PLEKHA5: variants seen among roughly 807,000 people sequenced by gnomAD.
PLEKHA5 encodes the protein pleckstrin homology domain-containing family A member 5.
PLEKHA5 carries 55 observed loss-of-function variants against 181.9 expected under a neutral mutation model. That is an observed-to-expected ratio of 0.30 (90% CI 0.24 to 0.38). The LOEUF (loss-of-function observed/expected upper bound fraction) is 0.38. PLEKHA5 is among the 10% of genes least tolerant of loss of function. The pLI is 1.00. For synonymous variants in PLEKHA5, 535 were observed against 529.4 expected (o/e 1.01, Z -0.15); for missense variants, 1,432 against 1,549.5 (o/e 0.92, Z 1.27).
intron 3 of PLEKHA5, among the ~76,000 whole-genome samples, chr12:19,230,596 C>T (rs896903066): frequency 6.6e-6 from 1 of 152,182 alleles, no homozygotes; most frequent in Non-Finnish European, 1.5e-5. Flanking sequence ...CAGCTGCTGG[C>T]CTGGGTGCTA....
At chr12:19,326,794 C>T (rs1471030624) in intron 20 of PLEKHA5, among the ~76,000 whole-genome samples, 1 of 152,160 alleles carries the variant, frequency 6.6e-6, no homozygotes, top group African/African-American at 2.4e-5. Context: ...GTTTAGCTTC[C>T]ACCTGTAAGT....
intron 26 of PLEKHA5, among the ~76,000 whole-genome samples, chr12:19,354,958 A>G (rs2094846697): frequency 6.6e-6 from 1 of 152,108 alleles, no homozygotes. Flanking sequence ...TCTCGATGAG[A>G]GGTATAGATG....
intron 26 of PLEKHA5, 98 bp downstream of exon 26, chr12:19,354,100 G>T: frequency 9.4e-6 from 3 of 317,554 alleles, no homozygotes; most frequent in South Asian, 5.2e-5. Context: ...AATTATTTTT[G>T]CATACTCAAA....
chr12:19,231,622 A>ATATGT (rs1565495151), intron 3 of PLEKHA5, among the ~76,000 whole-genome samples: 839 of 142,880 alleles, frequency 5.9e-3, no homozygotes, highest in Middle Eastern at 0.012. Flanking sequence ...AAATACTCAT[A>ATATGT]AAGCTTGAGT....
At chr12:19,246,597 G>A (rs944672971) in intron 3 of PLEKHA5, among the ~76,000 whole-genome samples, 5 of 149,360 alleles carry the variant, frequency 3.3e-5, no homozygotes, top group Non-Finnish European at 5.9e-5. Context: ...ACTCCAGCCT[G>A]GGCAACAGAG....
intron 3 of PLEKHA5, among the ~76,000 whole-genome samples, chr12:19,175,804 T>C (rs1423730690): frequency 6.6e-6 from 1 of 152,226 alleles, no homozygotes; most frequent in Non-Finnish European, 1.5e-5. Context: ...TTTGAAAAGT[T>C]TGTTCTTGAT....
At chr12:19,322,046 G>C (rs2091004034) in intron 18 of PLEKHA5, among the ~76,000 whole-genome samples, 1 of 151,926 alleles carries the variant, frequency 6.6e-6, no homozygotes, top group Non-Finnish European at 1.5e-5. Flanking sequence ...TATTTTCTAA[G>C]AATCTAAGAG....
At chr12:19,200,517 A>C (rs2053957537) in intron 3 of PLEKHA5, 1 of 1,359,306 alleles carries the variant, frequency 7.4e-7, no homozygotes, top group South Asian at 1.9e-5. Flanking sequence ...CAAATCTTTG[A>C]TTACTCACCT....
intron 26 of PLEKHA5, among the ~76,000 whole-genome samples, chr12:19,356,004 A>C (rs958356505): frequency 6.6e-6 from 1 of 151,954 alleles, no homozygotes; most frequent in South Asian, 2.1e-4. Context: ...GTCTCAACTA[A>C]AAATCCAAAA....
chr12:19,197,566 T>G (rs144517083), intron 3 of PLEKHA5, among the ~76,000 whole-genome samples: 1 of 152,252 alleles, frequency 6.6e-6, no homozygotes, highest in Non-Finnish European at 1.5e-5. Context: ...TGCACTTGTC[T>G]TCTCTGATAG....
At chr12:19,172,232 A>T (rs1336073252) in intron 3 of PLEKHA5, among the ~76,000 whole-genome samples, 1 of 152,196 alleles carries the variant, frequency 6.6e-6, no homozygotes, top group African/African-American at 2.4e-5. Flanking sequence ...CAGTTGAGTA[A>T]TGCATTGTGG....
At chr12:19,217,933 A>G (rs935055847) in intron 3 of PLEKHA5, among the ~76,000 whole-genome samples, 2 of 152,194 alleles carry the variant, frequency 1.3e-5, no homozygotes, top group African/African-American at 4.8e-5. Flanking sequence ...TTGCTGCATA[A>G]GAAATCATCC....
intron 3 of PLEKHA5, among the ~76,000 whole-genome samples, chr12:19,208,293 A>G (rs2056102682): frequency 6.6e-6 from 1 of 152,000 alleles, no homozygotes; most frequent in Admixed American, 6.6e-5. Context: ...CTATAATCCC[A>G]GCTACTCAGG....
chr12:19,354,078 G>T (rs2094763082), intron 26 of PLEKHA5, 76 bp downstream of exon 26: 1 of 458,230 alleles, frequency 2.2e-6, no homozygotes. Flanking sequence ...TTCATTTTCA[G>T]TGTCTTATCA....
At chr12:19,144,115 CT>C (rs1277115844) in intron 3 of PLEKHA5, among the ~76,000 whole-genome samples, 2 of 152,122 alleles carry the variant, frequency 1.3e-5, no homozygotes, top group Non-Finnish European at 2.9e-5. Flanking sequence ...ATAAGTGCTT[CT>C]GATTGAATAG....
intron 31 of PLEKHA5, chr12:19,372,560 T>C (rs1259894182): frequency 6.6e-6 from 1 of 152,082 alleles, no homozygotes; most frequent in Non-Finnish European, 1.5e-5. Context: ...GCCCTTTTTT[T>C]CAGCCCAAAG....
chr12:19,334,205 TC>T (rs1433128347), intron 20 of PLEKHA5, among the ~76,000 whole-genome samples: 4 of 152,158 alleles, frequency 2.6e-5, no homozygotes, highest in Non-Finnish European at 5.9e-5. Context: ...TGTCTTGTGT[TC>T]CTACCCACCT....
At chr12:19,148,215 C>T (rs1299178157) in intron 3 of PLEKHA5, among the ~76,000 whole-genome samples, 1 of 152,144 alleles carries the variant, frequency 6.6e-6, no homozygotes. Flanking sequence ...TGCCACCACG[C>T]CTGACTAATT....
chr12:19,245,341 T>C (rs2063460737), intron 3 of PLEKHA5, among the ~76,000 whole-genome samples: 1 of 152,144 alleles, frequency 6.6e-6, no homozygotes, highest in South Asian at 2.1e-4. Context: ...TTCCTCTAGG[T>C]CGGCCACAGA....
Sources: gnomAD v4.1 joint callset for allele counts (sites outside exome capture counted in the v4.1 genomes callset) on GRCh38, gnomAD v4.1.1 for gene constraint, MANE v1.5 for transcripts, NCBI Gene and HGNC (gene_info 2026-07-23, HGNC 2026-07-21) for gene names.